Variants in IFIH1 observed in about 807,000 individuals in gnomAD.
IFIH1 encodes the protein interferon-induced helicase C domain-containing protein 1.
In IFIH1, 125 loss-of-function variants were observed where a neutral mutation model predicts 107.4. The observed-to-expected ratio is 1.16, with a 90% CI of 1.01 to 1.35. The LOEUF is 1.35. Among genes scored for constraint, IFIH1 ranks in the 40% most tolerant of loss-of-function variants. IFIH1 has a pLI of 0.00. For synonymous variants in IFIH1, 458 were observed against 413.2 expected (o/e 1.11, Z -1.31); for missense variants, 1,333 against 1,213.7 (o/e 1.10, Z -1.46).
chr2:162,292,938 C>A (rs1298837274), intron 4 of IFIH1, among the ~76,000 whole-genome samples: 5 of 151,758 alleles, frequency 3.3e-5, no homozygotes, highest in Non-Finnish European at 7.4e-5. Flanking sequence ...AATTGGAAAA[C>A]TGATAACAGG....
chr2:162,308,765 A>C (rs1458995863), intron 2 of IFIH1, among the ~76,000 whole-genome samples: 2 of 152,190 alleles, frequency 1.3e-5, no homozygotes, highest in Non-Finnish European at 2.9e-5. Context: ...TAGGAGGACA[A>C]AATTCCATCT....
At chr2:162,311,295 A>G (rs1683381291) in intron 1 of IFIH1, among the ~76,000 whole-genome samples, 1 of 152,084 alleles carries the variant, frequency 6.6e-6, no homozygotes, top group African/African-American at 2.4e-5. Flanking sequence ...CAGCCATGTT[A>G]TGTCTATTTT....
At chr2:162,304,382 C>T (rs747625630) in intron 3 of IFIH1, among the ~76,000 whole-genome samples, 7 of 152,006 alleles carry the variant, frequency 4.6e-5, no homozygotes, top group South Asian at 2.1e-4. Context: ...GGATCACTTG[C>T]GCCTGGGAGG....
chr2:162,293,502 G>T, intron 4 of IFIH1, 62 bp downstream of exon 4: 2 of 983,128 alleles, frequency 2.0e-6, no homozygotes, highest in East Asian at 2.4e-5. Context: ...CAGCCCCCAT[G>T]CTTCCACTAT....
chr2:162,299,705 A>T (rs1449661952), intron 3 of IFIH1, among the ~76,000 whole-genome samples: 1 of 152,198 alleles, frequency 6.6e-6, no homozygotes, highest in Non-Finnish European at 1.5e-5. Context: ...TTGTATAATT[A>T]TCCAAATGAT....
chr2:162,269,912 C>T (rs1691002075), intron 13 of IFIH1, among the ~76,000 whole-genome samples: 1 of 152,112 alleles, frequency 6.6e-6, no homozygotes, highest in Non-Finnish European at 1.5e-5. Context: ...AAATAATACA[C>T]TGAAATATTT....
At chr2:162,298,578 G>A (rs1448183165) in intron 3 of IFIH1, among the ~76,000 whole-genome samples, 1 of 152,100 alleles carries the variant, frequency 6.6e-6, no homozygotes, top group Non-Finnish European at 1.5e-5. Context: ...ACGCCTGGAA[G>A]GTCCAAGCTA....
At chr2:162,269,338 C>T (rs1198484225) in intron 13 of IFIH1, among the ~76,000 whole-genome samples, 1 of 152,172 alleles carries the variant, frequency 6.6e-6, no homozygotes, top group Non-Finnish European at 1.5e-5. Flanking sequence ...ATTCTAAAAG[C>T]CATCTTCGAC....
intron 8 of IFIH1, among the ~76,000 whole-genome samples, chr2:162,278,988 T>C (rs1682760088): frequency 1.3e-5 from 2 of 152,112 alleles, no homozygotes; most frequent in Admixed American, 6.6e-5. Flanking sequence ...AGTACACATA[T>C]GAATTTGTAC....
intron 3 of IFIH1, among the ~76,000 whole-genome samples, chr2:162,303,610 G>A (rs1010460673): frequency 6.6e-6 from 1 of 151,798 alleles, no homozygotes; most frequent in Non-Finnish European, 1.5e-5. Context: ...GGAAGTTAGG[G>A]TGAAAGGAAG....
Position 162,282,588 on chromosome 2 carries a change from G to A in IFIH1, c.1096-12C>T, listed in dbSNP as rs1682831403. ...TCAACTAGCAGTACCTTAAAAAAAT[G>A]TGAAGATTTTTTAAAAGAGAGAAAG... On this transcript the variant is annotated splice_polypyrimidine_tract_variant and intron_variant, in intron 5 of 15. Coordinates refer to ENST00000649979, the MANE Select transcript of IFIH1 (RefSeq NM_022168.4). 1.9e-6 allele frequency: 3 copies of A among 1,570,502 alleles called. No homozygotes were observed. The highest frequency in any genetic ancestry group is 1.7e-6 in the Non-Finnish European group (2 of 1,150,862).
At chr2:162,289,871 A>G (rs987979019) in intron 4 of IFIH1, among the ~76,000 whole-genome samples, 80 of 151,934 alleles carry the variant, frequency 5.3e-4, no homozygotes, top group African/African-American at 1.9e-3. Flanking sequence ...ATAAGTTTCC[A>G]TGCTTGTTTT....
intron 4 of IFIH1, among the ~76,000 whole-genome samples, chr2:162,289,480 GA>G (rs1265161615): frequency 7.9e-5 from 12 of 151,740 alleles, no homozygotes; most frequent in South Asian, 2.1e-4. Flanking sequence ...ATAATAAGAA[GA>G]AAAAATGAAA....
chr2:162,298,336 C>A (rs936045006), intron 3 of IFIH1, among the ~76,000 whole-genome samples: 1 of 152,082 alleles, frequency 6.6e-6, no homozygotes, highest in Non-Finnish European at 1.5e-5. Flanking sequence ...CTATTTTTCC[C>A]GAAAAGTGGT....
intron 4 of IFIH1, among the ~76,000 whole-genome samples, chr2:162,290,647 C>A (rs181773331): frequency 6.6e-6 from 1 of 151,808 alleles, no homozygotes; most frequent in Non-Finnish European, 1.5e-5. Flanking sequence ...GACACTATAC[C>A]GCTGTTATGC....
In IFIH1 at chr2:162,272,389, T is replaced by G; in HGVS notation, c.2455-2A>C. 11 of 1,609,480 alleles carry G rather than the reference T, an allele frequency of 6.8e-6. No individual in the cohort carries two copies. Among genetic ancestry groups the G allele is most frequent in the Non-Finnish European group, 9.3e-6 (11 of 1,178,122 alleles). ...ATCAGCTCTGGCTCGACCACGGGCC[T>G]GAAAACACAAATAAATCAAGTAAAT... On this transcript the variant is annotated splice_acceptor_variant, in intron 12 of 15. Transcript: ENST00000649979. LOFTEE classifies it high-confidence loss of function.
At chr2:162,309,294 T>C (rs1378369795) in intron 2 of IFIH1, among the ~76,000 whole-genome samples, 3 of 152,186 alleles carry the variant, frequency 2.0e-5, no homozygotes, top group African/African-American at 7.2e-5. Flanking sequence ...GCTCTGCTTC[T>C]GAGACACTAG....
chr2:162,304,541 G>T, intron 3 of IFIH1, among the ~76,000 whole-genome samples: 1 of 152,096 alleles, frequency 6.6e-6, no homozygotes, highest in Non-Finnish European at 1.5e-5. Context: ...CAAGCCAACT[G>T]TGAAAAAAAT....
Position 162,277,504 on chromosome 2 carries a change from T to G in IFIH1, c.1955A>C (p.Glu652Ala). The G allele has an allele frequency of 6.3e-7, 1 of 1,581,082 alleles. No homozygotes were observed. The highest frequency in any genetic ancestry group is 8.7e-7 in the Non-Finnish European group (1 of 1,150,492). The change falls in exon 10 of 16, where the codon GAG (glutamate) becomes GCG (alanine). Residue 652 changes from glutamate (E) to alanine (A), a missense_variant. By Grantham distance (107) the Glu-to-Ala change is moderately radical. Transcript: ENST00000649979. ...EDDSDEGGDDEYCDGDEDEDD... is the reference protein window; with the variant it reads ...EDDSDEGGDDAYCDGDEDEDD... ...CTCATCTTCATCACCATCACAATAC[T>G]CATCATCACCACCCTCATCACTATC...
Sources: gnomAD v4.1 joint callset for allele counts (sites outside exome capture counted in the v4.1 genomes callset) on GRCh38, gnomAD v4.1.1 for gene constraint, MANE v1.5 for transcripts, NCBI Gene and HGNC (gene_info 2026-07-23, HGNC 2026-07-21) for gene names.